The following NTRK3 variants were observed in gnomAD, a reference collection of about 807,000 sequenced individuals.
NTRK3 encodes the protein neurotrophic receptor tyrosine kinase 3.
A neutral mutation model predicts 91.7 loss-of-function variants in NTRK3; 24 were observed. That is an observed-to-expected ratio of 0.26 (90% CI 0.19 to 0.37). NTRK3 has a LOEUF of 0.37. NTRK3 is among the 10% of genes least tolerant of loss of function. The probability of loss-of-function intolerance (pLI) is 1.00; values close to 1 mark genes in which losing one functional copy is unlikely to be tolerated. For synonymous variants in NTRK3, 483 were observed against 404.0 expected, an observed-to-expected ratio of 1.20 and a Z score of -2.34; for missense variants, 880 against 1,068.9, an observed-to-expected ratio of 0.82 and a Z score of 2.46.
rs778629850 is a variant in NTRK3 at position 88,256,070 on chromosome 15, G to C, written c.84C>G (p.Ser28=). The C allele has an allele frequency of 1.7e-5, 28 of 1,613,246 alleles. No homozygotes were observed. Among genetic ancestry groups the C allele is most frequent in the Middle Eastern group, 1.6e-4 (1 of 6,082 alleles). ...CACAATTTGCAGGGCAAGCCAGCAC[G>C]GAGCCCACATAGTCCAGCCAGACGC... is the stretch of plus-strand genomic sequence containing the variant. Residue 28 remains serine, a synonymous_variant, in exon 3 of 19, where the codon TCC becomes TCG. Transcript: ENST00000394480.
chr15:88,045,246 A>G (rs1232431749), intron 13 of NTRK3, among the ~76,000 whole-genome samples: 2 of 152,224 alleles, frequency 1.3e-5, no homozygotes, highest in Admixed American at 1.3e-4. Flanking sequence ...ACCCAGTGTT[A>G]TAATTTTCAT....
intron 13 of NTRK3, among the ~76,000 whole-genome samples, chr15:88,091,122 G>A (rs990431121): frequency 1.3e-5 from 2 of 152,190 alleles, no homozygotes; most frequent in Admixed American, 1.3e-4. Context: ...CTCTGAAAGA[G>A]GAGCCATGCT....
At chr15:88,090,928 C>T (rs1597250548) in intron 13 of NTRK3, among the ~76,000 whole-genome samples, 2 of 152,162 alleles carry the variant, frequency 1.3e-5, no homozygotes, top group South Asian at 4.1e-4. Context: ...TGGTGCACGG[C>T]CATGCGTGCT....
Position 87,978,595 on chromosome 15 carries a change from C to G in NTRK3, c.1586-37842G>C, listed in dbSNP as rs562995007. The G allele has an allele frequency of 4.3e-5, 10 of 230,652 alleles. No homozygotes were observed. In the East Asian group the frequency reaches 4.9e-4, roughly 11 times the overall value. 14.3% of individuals were successfully genotyped at this position (230,652 alleles called of 1,614,324 possible). ...TGTCGGAACTGCAGATCTAAGGGCCCAGGAAGAGCCTGGAGAAACTCTCCT... is the reference window on the plus strand; with the variant it reads ...TGTCGGAACTGCAGATCTAAGGGCCGAGGAAGAGCCTGGAGAAACTCTCCT... On this transcript the variant is annotated intron_variant, in intron 14 of 18. Transcript: ENST00000394480.
In NTRK3 at chr15:87,940,781, AG is replaced by A. The variant is rs755772915; in HGVS notation, c.1586-29del. On this transcript the variant is annotated intron_variant, in intron 14 of 18. Transcript: ENST00000394480. The stretch of plus-strand genomic sequence containing the variant: ...GTAGGATGGGGACAAAGAGGAGGGC[AG>A]CAAATCAGTCCTCGTTTGGTGACAC... The A allele has an allele frequency of 4.3e-6, 7 of 1,614,096 alleles. No individual in the cohort carries two copies. The South Asian group carries it at 7.7e-5, about 18-fold the overall frequency.
At chr15:88,102,013 A>T (rs377839) in intron 13 of NTRK3, among the ~76,000 whole-genome samples, 45 of 149,582 alleles carry the variant, frequency 3.0e-4, no homozygotes, top group African/African-American at 1.0e-3. Flanking sequence ...CTTAAAGTAT[A>T]ATAATAATAA....
chr15:88,173,083 A>G (rs571088754), intron 5 of NTRK3, among the ~76,000 whole-genome samples: 7 of 152,298 alleles, frequency 4.6e-5, no homozygotes, highest in Admixed American at 3.9e-4. Flanking sequence ...ACACATTTGG[A>G]GTTCAATAAA....
intron 3 of NTRK3, among the ~76,000 whole-genome samples, chr15:88,185,028 G>T (rs1168468954): frequency 1.3e-5 from 2 of 152,238 alleles, no homozygotes; most frequent in Non-Finnish European, 2.9e-5. Context: ...TTGAGCCAGT[G>T]CTTCCACCTC....
rs553987715 is a variant in NTRK3, at chr15:88,024,348, A to C, written c.1585+8509T>G. Among the ~76,000 whole-genome samples the C allele has an allele frequency of 3.3e-5, 5 of 152,200 alleles. No individual in the cohort carries two copies. The South Asian group carries it at 6.2e-4, about 19-fold the overall frequency. ...AAGAGAGTGAGGCCAGGAACTCCAC[A>C]CTACTGCTCTGTAGCTAAAGAGGGG... On this transcript the variant is annotated intron_variant, in intron 14 of 18. Coordinates refer to ENST00000394480, the Ensembl canonical transcript of NTRK3.
chr15:88,147,746 G>A (rs1446799308), intron 5 of NTRK3, among the ~76,000 whole-genome samples: 1 of 152,058 alleles, frequency 6.6e-6, no homozygotes, highest in African/African-American at 2.4e-5. Flanking sequence ...TTCTCTAAGA[G>A]GACAGGGAGT....
At position 88,255,495 on chromosome 15, in the gene NTRK3, G is replaced by A. The variant is rs2053944675; in HGVS notation, c.248+411C>T. Among the ~76,000 whole-genome samples the A allele has an allele frequency of 6.6e-6, 1 of 152,188 alleles. No homozygotes were observed. The highest frequency in any genetic ancestry group is 1.5e-5 in the Non-Finnish European group (1 of 68,042). ...AAGCGCTGCCGCCGCTGCCACCGCC[G>A]CTGCCGCCTCTGCCAAAGAATCGAA... On this transcript the variant is annotated intron_variant, in intron 3 of 18. Coordinates refer to ENST00000394480, the Ensembl canonical transcript of NTRK3. The surrounding 1 kb of genome is among the most constrained non-coding windows in gnomAD (Gnocchi z 4.3).
intron 13 of NTRK3, among the ~76,000 whole-genome samples, chr15:88,034,544 G>A (rs1480992114): frequency 1.3e-5 from 2 of 152,234 alleles, no homozygotes; most frequent in Admixed American, 6.5e-5. Flanking sequence ...TGGCTGCTTT[G>A]CTAGACACAC....
At chr15:88,223,858 C>A (rs1034588742) in intron 3 of NTRK3, among the ~76,000 whole-genome samples, 1 of 152,128 alleles carries the variant, frequency 6.6e-6, no homozygotes, top group Non-Finnish European at 1.5e-5. Flanking sequence ...CGAGGCAGTG[C>A]TCCAAAGGCA....
intron 3 of NTRK3, among the ~76,000 whole-genome samples, chr15:88,194,562 C>T (rs1009275881): frequency 3.3e-5 from 5 of 152,362 alleles, no homozygotes; most frequent in East Asian, 1.9e-4. Context: ...TTATCACCTG[C>T]GTCCAGGCCA....
intron 13 of NTRK3, among the ~76,000 whole-genome samples, chr15:88,105,712 C>CA (rs1468014254): frequency 4.5e-4 from 68 of 150,988 alleles, no homozygotes; most frequent in African/African-American, 1.4e-3. Flanking sequence ...CACACACACA[C>CA]CCCCACACCA....
At chr15:87,980,921 G>A (rs2074202403) in intron 14 of NTRK3, among the ~76,000 whole-genome samples, 1 of 152,130 alleles carries the variant, frequency 6.6e-6, no homozygotes, top group Admixed American at 6.6e-5. Flanking sequence ...GAAGGAAAAG[G>A]GAAGGAAGGC....
At chr15:88,223,825 G>A (rs557485164) in intron 3 of NTRK3, among the ~76,000 whole-genome samples, 12 of 152,286 alleles carry the variant, frequency 7.9e-5, no homozygotes, top group South Asian at 2.1e-4. Flanking sequence ...TAGAAAGTTC[G>A]GCCCAGGGTA....
chr15:88,077,994 C>T (rs757653661), intron 13 of NTRK3, among the ~76,000 whole-genome samples: 3 of 152,224 alleles, frequency 2.0e-5, no homozygotes, highest in Non-Finnish European at 4.4e-5. Flanking sequence ...TACAGGGATC[C>T]AGCCAGCAGC....
Position 88,078,930 on chromosome 15 carries a change from C to T in NTRK3, c.1397-45885G>A, listed in dbSNP as rs188784972. On this transcript the variant is annotated intron_variant, in intron 13 of 18. Transcript: ENST00000394480. ...AGGAGGTGTGGGGCCTTTGGCTTTCCGCTGCATGCGATGGGGCACCCCAGT... is the reference window on the plus strand; with the variant it reads ...AGGAGGTGTGGGGCCTTTGGCTTTCTGCTGCATGCGATGGGGCACCCCAGT... Among the ~76,000 whole-genome samples, 46 of 152,278 alleles carry T rather than the reference C, an allele frequency of 3.0e-4. No individual in the cohort carries two copies. In the East Asian group the frequency reaches 6.2e-3, roughly 21 times the overall value.
Sources: allele counts gnomAD v4.1 joint callset (sites outside exome capture counted in the v4.1 genomes callset), GRCh38; gene constraint gnomAD v4.1.1; non-coding constraint Gnocchi (gnomAD v3.1); transcripts MANE v1.5; gene names NCBI Gene and HGNC (gene_info 2026-07-23, HGNC 2026-07-21).